The following SIN3A variants were observed in gnomAD, a reference collection of about 807,000 sequenced individuals.
SIN3A encodes SIN3 transcription regulator family member A, also known as paired amphipathic helix protein Sin3a.
In SIN3A, 14 loss-of-function variants were observed where a neutral mutation model predicts 146.1. The ratio of observed to expected loss-of-function variants is 0.10; its 90% confidence interval spans 0.06 to 0.15. The LOEUF is 0.15. SIN3A is among the 10% of genes least tolerant of loss of function. The pLI is 1.00. For missense variants in SIN3A, 1,028 were observed against 1,576.0 expected, an observed-to-expected ratio of 0.65 and a Z score of 5.89; for synonymous variants, 572 against 572.0, an observed-to-expected ratio of 1.00 and a Z score of 0.00.
chr15:75,380,484 G>C, intron 19 of SIN3A, 145 bp downstream of exon 19: 1 of 621,492 alleles, frequency 1.6e-6, no homozygotes, highest in Non-Finnish European at 2.9e-6. Flanking sequence ...TGTTGTGACA[G>C]CCATATAAAA....
At chr15:75,399,033 TAA>T (rs540802077) in intron 12 of SIN3A, among the ~76,000 whole-genome samples, 14 of 131,036 alleles carry the variant, frequency 1.1e-4, no homozygotes, top group East Asian at 2.2e-4. Flanking sequence ...ATTTAAAGTT[TAA>T]AAAAAAAAAA....
At chr15:75,397,081 A>C (rs1380525888) in intron 12 of SIN3A, among the ~76,000 whole-genome samples, 1 of 152,242 alleles carries the variant, frequency 6.6e-6, no homozygotes, top group African/African-American at 2.4e-5. Context: ...TAAGGAGTTC[A>C]CTGTTGTAGC....
Position 75,372,178 on chromosome 15 carries a change from T to C in SIN3A, c.3623A>G (p.Gln1208Arg). Residue 1208 changes from glutamine to arginine, a missense_variant, in exon 21 of 21, where the codon CAG becomes CGG. Gln to Arg is a conservative substitution (Grantham distance 43, BLOSUM62 1). Transcript: ENST00000394947. The stretch of plus-strand genomic sequence containing the variant: ...TTTATCTACCCAGGCCTGGAATCTC[T>C]GATGTAGACGCTTGCTTACACGCTC... ...SHERVSKRLH[Q>R]RFQAWVDKWT... The C allele has an allele frequency of 1.2e-6, 2 of 1,612,516 alleles. No individual in the cohort carries two copies. Among genetic ancestry groups the C allele is most frequent in the Non-Finnish European group, 1.7e-6 (2 of 1,178,908 alleles).
chr15:75,415,953 T>C (rs932042009), intron 3 of SIN3A: 1 of 330,886 alleles, frequency 3.0e-6, no homozygotes, highest in East Asian at 8.5e-5. Flanking sequence ...GGGAATAACC[T>C]TGCAGGAAAT....
In SIN3A at chr15:75,381,264, T is replaced by A. The variant is rs535038950; in HGVS notation, c.3288+349A>T. 2.0e-5 allele frequency among the ~76,000 whole-genome samples: 3 copies of A among 152,268 alleles called. No homozygotes were observed. In the South Asian group the frequency reaches 6.2e-4, roughly 32 times the overall value. On this transcript the variant is annotated intron_variant, in intron 18 of 20. Coordinates refer to ENST00000394947, the MANE Select transcript of SIN3A (RefSeq NM_001145358.2). Reference sequence around the variant, plus strand: ...TTCAGGGGTTGAAAACTCTGGACTTTATCAGTCCAATAAAAAGTAAACATG... The same window carrying A: ...TTCAGGGGTTGAAAACTCTGGACTTAATCAGTCCAATAAAAAGTAAACATG...
chr15:75,446,103 A>G (rs984914116), intron 1 of SIN3A: 3 of 152,224 alleles, frequency 2.0e-5, no homozygotes, highest in Non-Finnish European at 2.9e-5. Context: ...CAAGAAGCTT[A>G]TATTTTAGTG....
At chr15:75,452,690 G>A (rs1222206564), upstream of SIN3A, among the ~76,000 whole-genome samples, 1 of 152,228 alleles carries the variant, frequency 6.6e-6, no homozygotes, top group African/African-American at 2.4e-5. Flanking sequence ...GCAAGCCTCC[G>A]GAAGGCGGAG....
chr15:75,412,736 T>A, intron 5 of SIN3A, 27 bp downstream of exon 5: 1 of 1,536,666 alleles, frequency 6.5e-7, no homozygotes, highest in East Asian at 2.3e-5. Context: ...TGCATTCATA[T>A]TGATGCAATA....
chr15:75,418,688 T>C lies in SIN3A; in HGVS notation c.366+3959A>G, dbSNP rs546277227. 3.5e-4 allele frequency among the ~76,000 whole-genome samples: 53 copies of C among 152,180 alleles called. 1 individual carries two copies. The South Asian group carries it at 9.8e-3, about 28-fold the overall frequency. ...AACTGTGAGAAATAAACTGCTATTATTTAGATTATACAGTCTCAGGTATTT... is the reference window on the plus strand; with the variant it reads ...AACTGTGAGAAATAAACTGCTATTACTTAGATTATACAGTCTCAGGTATTT... On this transcript the variant is annotated intron_variant, in intron 3 of 20. Transcript: ENST00000394947.
Position 75,430,306 on chromosome 15 carries a change from T to G in SIN3A, c.70A>C (p.Thr24Pro). ...CGGTGCTGGTGAGGAAAAGCCTCTG[T>G]GCTGCCAGGGATCCGACGCTGCTGG... ...AAQQRRIPGS[T>P]EAFPHQHRVL... Residue 24 changes from threonine to proline, a missense_variant, in exon 2 of 21, where the codon ACA becomes CCA. Physicochemically the swap from Thr to Pro is conservative, Grantham distance 38 (BLOSUM62 -1). Transcript: ENST00000394947. 2 of 1,614,160 alleles carry G rather than the reference T, an allele frequency of 1.2e-6. No individual in the cohort carries two copies. Among genetic ancestry groups the G allele is most frequent in the Non-Finnish European group, 1.7e-6 (2 of 1,180,036 alleles).
At chr15:75,376,059 C>G (rs1260816321) in intron 19 of SIN3A, 187 bp from the exon 20 acceptor site, 1 of 617,208 alleles carries the variant, frequency 1.6e-6, no homozygotes, top group Non-Finnish European at 2.8e-6. Context: ...GAATAAAAAG[C>G]AGAAATCTTC....
chr15:75,374,105 A>C (rs1019282881), intron 20 of SIN3A, among the ~76,000 whole-genome samples: 4 of 152,330 alleles, frequency 2.6e-5, no homozygotes, highest in Middle Eastern at 3.4e-3. Context: ...AAAACAAACC[A>C]AAAAACCCCA....
intron 1 of SIN3A, among the ~76,000 whole-genome samples, chr15:75,431,530 A>G (rs1212634403): frequency 6.6e-6 from 1 of 152,210 alleles, no homozygotes; most frequent in East Asian, 1.9e-4. Flanking sequence ...AGGCCCCACC[A>G]CTTTTCCAGT....
At chr15:75,386,779 T>C (rs767086121) in intron 16 of SIN3A, among the ~76,000 whole-genome samples, 3 of 152,222 alleles carry the variant, frequency 2.0e-5, no homozygotes, top group Non-Finnish European at 4.4e-5. Flanking sequence ...TGAGGTTGCC[T>C]ATTGTATTCT....
intron 1 of SIN3A, among the ~76,000 whole-genome samples, chr15:75,430,832 G>T (rs1325903567): frequency 1.3e-5 from 2 of 151,378 alleles, no homozygotes; most frequent in Non-Finnish European, 2.9e-5. Context: ...GCTGAGTGCA[G>T]TGGTGCCATC....
intron 14 of SIN3A, 128 bp downstream of exon 14, chr15:75,394,552 G>A: frequency 1.5e-6 from 1 of 657,922 alleles, no homozygotes; most frequent in Non-Finnish European, 2.5e-6. Context: ...GGCTATGACA[G>A]CTATCAAGCA....
At chr15:75,439,686 C>T (rs2074168615) in intron 1 of SIN3A, among the ~76,000 whole-genome samples, 1 of 151,926 alleles carries the variant, frequency 6.6e-6, no homozygotes, top group Non-Finnish European at 1.5e-5. Context: ...CTTTAACCCG[C>T]ATTATACCAT....
At chr15:75,441,311 C>A (rs1483344769) in intron 1 of SIN3A, among the ~76,000 whole-genome samples, 1 of 151,440 alleles carries the variant, frequency 6.6e-6, no homozygotes, top group Non-Finnish European at 1.5e-5. Flanking sequence ...CTCAAAAAAA[C>A]AAAAAACAAA....
At chr15:75,426,183 A>T (rs935520587) in intron 2 of SIN3A, among the ~76,000 whole-genome samples, 2 of 152,230 alleles carry the variant, frequency 1.3e-5, no homozygotes, top group African/African-American at 4.8e-5. Context: ...TAATGAAAGT[A>T]ATCACCCAAG....
Sources: gnomAD v4.1 joint callset for allele counts (sites outside exome capture counted in the v4.1 genomes callset) on GRCh38, gnomAD v4.1.1 for gene constraint, MANE v1.5 for transcripts, NCBI Gene and HGNC (gene_info 2026-07-23, HGNC 2026-07-21) for gene names.